Variants in OLA1 observed in about 807,000 individuals in gnomAD.
OLA1 encodes obg-like ATPase 1.
A neutral mutation model predicts 48.4 loss-of-function variants in OLA1; 14 were observed. That is an observed-to-expected ratio of 0.29 (90% CI 0.19 to 0.45). OLA1 has a LOEUF of 0.45. Among genes scored for constraint, OLA1 ranks in the 20% least tolerant of loss-of-function variants. The pLI is 1.00. For missense variants in OLA1, 325 were observed against 467.1 expected, an observed-to-expected ratio of 0.70 and a Z score of 2.80; for synonymous variants, 127 against 150.4, an observed-to-expected ratio of 0.84 and a Z score of 1.14.
rs577285656 is a variant in OLA1, at chr2:174,073,552, A to C, written c.*1874T>G. On this transcript the variant is annotated 3_prime_UTR_variant, in exon 11 of 11. Coordinates refer to ENST00000284719, the MANE Select transcript of OLA1 (RefSeq NM_013341.5). ...TTAAACATTTTTAACATTTATTTTCAGCCCCTAATGAATGCAGTTACCTCA... is the reference window on the plus strand; with the variant it reads ...TTAAACATTTTTAACATTTATTTTCCGCCCCTAATGAATGCAGTTACCTCA... The C allele has an allele frequency of 6.6e-6, 1 of 152,342 alleles. No individual in the cohort carries two copies. The highest frequency in any genetic ancestry group is 2.4e-5 in the African/African-American group (1 of 41,590). 9.4% of individuals were successfully genotyped at this position (152,342 alleles called of 1,614,324 possible).
At chr2:174,140,723 T>C (rs1686427228) in intron 5 of OLA1, among the ~76,000 whole-genome samples, 1 of 152,102 alleles carries the variant, frequency 6.6e-6, no homozygotes, top group Non-Finnish European at 1.5e-5. Context: ...TCTGTTAGTC[T>C]GACTAAATTC....
chr2:174,210,085 T>C (rs902110162), intron 4 of OLA1, among the ~76,000 whole-genome samples: 6 of 152,014 alleles, frequency 3.9e-5, no homozygotes, highest in Admixed American at 6.6e-5. Flanking sequence ...TGGGAAAAAA[T>C]TAACAACAAT....
intron 3 of OLA1, among the ~76,000 whole-genome samples, 193 bp from the exon 4 acceptor site, chr2:174,223,353 T>C (rs1423221297): frequency 1.3e-5 from 2 of 152,184 alleles, no homozygotes; most frequent in Non-Finnish European, 2.9e-5. Context: ...TGGACTTTCT[T>C]ACCTAGGATA....
chr2:174,144,949 A>ATATAT (rs1328085797), intron 4 of OLA1, among the ~76,000 whole-genome samples: 89 of 57,042 alleles, frequency 1.6e-3, no homozygotes, highest in Admixed American at 2.8e-3. Context: ...AAAAAAAAAA[A>ATATAT]AAATATATAT....
chr2:174,079,603 AT>A (rs889586102), intron 9 of OLA1, among the ~76,000 whole-genome samples: 2 of 151,916 alleles, frequency 1.3e-5, no homozygotes, highest in African/African-American at 4.8e-5. Flanking sequence ...CGATAATAAA[AT>A]TTTTGAACAT....
intron 7 of OLA1, among the ~76,000 whole-genome samples, chr2:174,083,516 T>TA (rs1357542023): frequency 2.6e-5 from 4 of 152,112 alleles, no homozygotes; most frequent in Non-Finnish European, 5.9e-5. Flanking sequence ...GACCAAGTCC[T>TA]ATGATTTATG....
chr2:174,113,420 G>A (rs1685702563), intron 7 of OLA1, among the ~76,000 whole-genome samples: 1 of 152,010 alleles, frequency 6.6e-6, no homozygotes, highest in African/African-American at 2.4e-5. Flanking sequence ...GTTTCAATAA[G>A]AGCCATTGTA....
intron 4 of OLA1, among the ~76,000 whole-genome samples, chr2:174,208,419 C>T (rs75027449): frequency 0.13 from 20,355 of 152,094 alleles, 1,796 homozygotes; most frequent in Non-Finnish European, 0.2. Flanking sequence ...TCTGAAAATG[C>T]GCCTCTCTAA....
intron 2 of OLA1, among the ~76,000 whole-genome samples, chr2:174,232,765 G>A (rs530488373): frequency 6.6e-6 from 1 of 152,314 alleles, no homozygotes; most frequent in South Asian, 2.1e-4. Flanking sequence ...TGGTAGGAAT[G>A]TAAAGTGGTA....
intron 4 of OLA1, among the ~76,000 whole-genome samples, chr2:174,177,626 C>G (rs1192872846): frequency 1.3e-5 from 2 of 152,098 alleles, no homozygotes; most frequent in African/African-American, 4.8e-5. Context: ...AATTTAAGAG[C>G]ACTATTATTC....
chr2:174,146,926 C>A (rs908980239), intron 4 of OLA1, among the ~76,000 whole-genome samples: 1 of 152,072 alleles, frequency 6.6e-6, no homozygotes, highest in Non-Finnish European at 1.5e-5. Flanking sequence ...AAGAAGGTGG[C>A]CTACTTAGAA....
chr2:174,164,325 G>C (rs540955036), intron 4 of OLA1, among the ~76,000 whole-genome samples: 1 of 63,132 alleles, frequency 1.6e-5, no homozygotes, highest in South Asian at 6.5e-4. Flanking sequence ...GACAAGGTTA[G>C]AAGGTTAGAG....
chr2:174,207,828 A>G (rs1265551301), intron 4 of OLA1, among the ~76,000 whole-genome samples: 2 of 152,194 alleles, frequency 1.3e-5, no homozygotes, highest in African/African-American at 4.8e-5. Context: ...AAATATCACT[A>G]TGAGAGAAAA....
intron 5 of OLA1, among the ~76,000 whole-genome samples, chr2:174,141,090 C>A (rs1005633678): frequency 6.6e-6 from 1 of 152,154 alleles, no homozygotes; most frequent in African/African-American, 2.4e-5. Context: ...TACCACCACA[C>A]CCAGCTAATT....
chr2:174,190,272 C>A (rs187134590), intron 4 of OLA1, among the ~76,000 whole-genome samples: 5 of 152,112 alleles, frequency 3.3e-5, no homozygotes, highest in Non-Finnish European at 7.4e-5. Context: ...GTGCCACATA[C>A]GTAATTACCT....
chr2:174,125,617 T>TC (rs1449991114), intron 5 of OLA1, among the ~76,000 whole-genome samples: 1 of 152,210 alleles, frequency 6.6e-6, no homozygotes, highest in Non-Finnish European at 1.5e-5. Flanking sequence ...TTACAAAACC[T>TC]CAGAGCCTCA....
chr2:174,205,936 T>C (rs1019124011), intron 4 of OLA1, among the ~76,000 whole-genome samples: 1 of 152,210 alleles, frequency 6.6e-6, no homozygotes, highest in African/African-American at 2.4e-5. Flanking sequence ...GCCCTGCCTT[T>C]CCTTCAACTG....
chr2:174,088,113 A>G (rs958234908), intron 7 of OLA1, among the ~76,000 whole-genome samples: 6 of 152,208 alleles, frequency 3.9e-5, no homozygotes, highest in Non-Finnish European at 8.8e-5. Context: ...AAAATGATGC[A>G]ACTTACATAA....
chr2:174,182,447 A>G (rs778148366), intron 4 of OLA1, among the ~76,000 whole-genome samples: 1 of 152,074 alleles, frequency 6.6e-6, no homozygotes, highest in Non-Finnish European at 1.5e-5. Flanking sequence ...AATCGCTTGA[A>G]CCCAGGAGGT....
Sources: allele counts gnomAD v4.1 joint callset (sites outside exome capture counted in the v4.1 genomes callset), GRCh38; gene constraint gnomAD v4.1.1; transcripts MANE v1.5; gene names NCBI Gene and HGNC (gene_info 2026-07-23, HGNC 2026-07-21).